SGCZ: variants seen among roughly 807,000 people sequenced by gnomAD.
SGCZ encodes zeta-sarcoglycan.
In SGCZ, 40 loss-of-function variants were observed where a neutral mutation model predicts 41.3. The ratio of observed to expected loss-of-function variants is 0.97; its 90% confidence interval spans 0.75 to 1.26. The LOEUF (loss-of-function observed/expected upper bound fraction) is 1.26. Ranked by LOEUF, SGCZ falls within the 50% of genes most tolerant of loss-of-function variation. The pLI is 0.00. For missense variants in SGCZ, 552 were observed against 369.8 expected (o/e 1.49, Z -4.04); for synonymous variants, 206 against 137.5 (o/e 1.50, Z -3.49).
chr8:14,142,359 A>T (rs932470607), intron 5 of SGCZ, among the ~76,000 whole-genome samples: 6 of 151,986 alleles, frequency 3.9e-5, no homozygotes, highest in Non-Finnish European at 7.4e-5. Context: ...ATACACACAA[A>T]TTTTTTTTCT....
chr8:14,642,700 T>C (rs1807066954), intron 1 of SGCZ, among the ~76,000 whole-genome samples: 1 of 151,610 alleles, frequency 6.6e-6, no homozygotes, highest in African/African-American at 2.4e-5. Flanking sequence ...AACTGGTCTT[T>C]TTTGTAATGT....
At chr8:14,920,296 G>C (rs890037528) in intron 1 of SGCZ, among the ~76,000 whole-genome samples, 6 of 152,090 alleles carry the variant, frequency 3.9e-5, no homozygotes, top group African/African-American at 1.4e-4. Flanking sequence ...TTTCAAAGTG[G>C]CAGCTAATGA....
chr8:14,845,158 G>A (rs867977024), intron 1 of SGCZ, among the ~76,000 whole-genome samples: 1 of 152,168 alleles, frequency 6.6e-6, no homozygotes, highest in South Asian at 2.1e-4. Context: ...ATGGTGCCCA[G>A]CACTCACACT....
chr8:14,602,128 A>G (rs112691980), intron 1 of SGCZ, among the ~76,000 whole-genome samples: 3,530 of 152,226 alleles, frequency 0.023, 77 homozygotes, highest in African/African-American at 0.057. Flanking sequence ...TGAAAAAAAT[A>G]AAATAAAATA....
At chr8:14,874,849 C>A (rs559398579) in intron 1 of SGCZ, among the ~76,000 whole-genome samples, 2 of 152,274 alleles carry the variant, frequency 1.3e-5, no homozygotes, top group East Asian at 1.9e-4. Context: ...CTCCAGTTAT[C>A]CATTCAAGCA....
At chr8:15,007,206 T>G (rs1802636578) in intron 1 of SGCZ, among the ~76,000 whole-genome samples, 1 of 152,218 alleles carries the variant, frequency 6.6e-6, no homozygotes, top group Non-Finnish European at 1.5e-5. Flanking sequence ...ATGCTTTTAA[T>G]GTATTTGTAA....
intron 1 of SGCZ, among the ~76,000 whole-genome samples, chr8:14,878,402 A>G (rs1037354143): frequency 5.3e-5 from 8 of 152,008 alleles, no homozygotes; most frequent in African/African-American, 9.7e-5. Context: ...AAAAGATTGG[A>G]GTCATTTGGG....
chr8:14,957,289 C>G (rs1303712031), intron 1 of SGCZ, among the ~76,000 whole-genome samples: 1 of 151,912 alleles, frequency 6.6e-6, no homozygotes, highest in South Asian at 2.1e-4. Context: ...AAATTTTCAT[C>G]TTCTTTTTAA....
chr8:14,924,166 T>C (rs1799673083), intron 1 of SGCZ, among the ~76,000 whole-genome samples: 2 of 152,222 alleles, frequency 1.3e-5, no homozygotes, highest in South Asian at 4.1e-4. Flanking sequence ...AGAAAACCTA[T>C]TTGTTGTTCC....
Position 14,412,680 on chromosome 8 carries a change from C to T in SGCZ, c.235-88476G>A, listed in dbSNP as rs556273221. Among the ~76,000 whole-genome samples the T allele has an allele frequency of 1.1e-4, 17 of 152,084 alleles. No individual in the cohort carries two copies. The South Asian group carries it at 3.5e-3, about 32-fold the overall frequency. ...ATTCATTTCAATAAGGAATTACAAC[C>T]AACCATGGTGGAAATCTCTCACAAG... On this transcript the variant is annotated intron_variant, in intron 2 of 7. Transcript: ENST00000382080.
rs565886973 is a variant in SGCZ at position 14,228,246 on chromosome 8, G to A, written c.424+9346C>T. Among the ~76,000 whole-genome samples the A allele has an allele frequency of 3.9e-4, 59 of 152,030 alleles. 4 individuals carry two copies. Among genetic ancestry groups the A allele is most frequent in the African/African-American group, 1.1e-3 (47 of 41,478 alleles). ...ACTCCAATGCACCTGCAATTCCGACGTCCCACAAAGGAAGCCTCATTAAAA... is the reference window on the plus strand; with the variant it reads ...ACTCCAATGCACCTGCAATTCCGACATCCCACAAAGGAAGCCTCATTAAAA... On this transcript the variant is annotated intron_variant, in intron 4 of 7. Transcript: ENST00000382080.
At chr8:15,017,894 A>G (rs538285204) in intron 1 of SGCZ, among the ~76,000 whole-genome samples, 1 of 152,218 alleles carries the variant, frequency 6.6e-6, no homozygotes, top group African/African-American at 2.4e-5. Flanking sequence ...ATCTCTTTGC[A>G]ATTCAAAACT....
intron 3 of SGCZ, chr8:14,308,884 T>C: frequency 2.4e-6 from 1 of 419,482 alleles, no homozygotes; most frequent in Non-Finnish European, 4.3e-6. Context: ...AAATGTCTGT[T>C]TGATATTCGC....
chr8:14,888,549 G>A (rs376180316), intron 1 of SGCZ, among the ~76,000 whole-genome samples: 10 of 152,250 alleles, frequency 6.6e-5, no homozygotes, highest in African/African-American at 2.4e-4. Flanking sequence ...AACAATGTAA[G>A]TCCTTATTGT....
intron 1 of SGCZ, among the ~76,000 whole-genome samples, chr8:15,098,917 G>A (rs747717261): frequency 1.7e-4 from 26 of 152,136 alleles, no homozygotes; most frequent in Non-Finnish European, 3.4e-4. Context: ...AATTAGCCGG[G>A]GGTGGTGGTG....
At chr8:14,265,154 T>G (rs1414708607) in intron 3 of SGCZ, among the ~76,000 whole-genome samples, 1 of 152,186 alleles carries the variant, frequency 6.6e-6, no homozygotes, top group Non-Finnish European at 1.5e-5. Context: ...TGGAGATGTG[T>G]GATCTCTTAG....
intron 5 of SGCZ, among the ~76,000 whole-genome samples, chr8:14,152,398 A>C (rs1397918484): frequency 6.6e-6 from 1 of 152,226 alleles, no homozygotes; most frequent in African/African-American, 2.4e-5. Context: ...GCAAGGTGAC[A>C]AATACTTGTG....
At chr8:14,469,612 C>T (rs1801152840) in intron 2 of SGCZ, among the ~76,000 whole-genome samples, 1 of 151,934 alleles carries the variant, frequency 6.6e-6, no homozygotes, top group Admixed American at 6.6e-5. Context: ...GGCCAGTATC[C>T]CTTAGGTAGC....
intron 1 of SGCZ, among the ~76,000 whole-genome samples, chr8:14,600,059 A>T (rs565026089): frequency 6.6e-6 from 1 of 152,198 alleles, no homozygotes; most frequent in Non-Finnish European, 1.5e-5. Context: ...TTCAAAAGTC[A>T]TCAATAATTA....
Sources: allele counts gnomAD v4.1 joint callset (sites outside exome capture counted in the v4.1 genomes callset), GRCh38; gene constraint gnomAD v4.1.1; transcripts MANE v1.5; gene names NCBI Gene and HGNC (gene_info 2026-07-23, HGNC 2026-07-21).